AMD1: variants seen among roughly 807,000 people sequenced by gnomAD.
AMD1 encodes the protein S-adenosylmethionine decarboxylase proenzyme.
AMD1 carries 11 observed loss-of-function variants against 40.2 expected under a neutral mutation model. The observed-to-expected ratio is 0.27, with a 90% CI of 0.17 to 0.45. The LOEUF is 0.45. Ranked by LOEUF, AMD1 falls within the 20% of genes least tolerant of loss-of-function variation. The probability of loss-of-function intolerance (pLI) is 1.00; values close to 1 mark genes in which losing one functional copy is unlikely to be tolerated. For synonymous variants in AMD1, 121 were observed against 130.8 expected (o/e 0.93, Z 0.51); for missense variants, 257 against 410.2 (o/e 0.63, Z 3.23).
At chr6:110,874,407 C>G (rs566459008), upstream of AMD1, among the ~76,000 whole-genome samples, 1 of 152,058 alleles carries the variant, frequency 6.6e-6, no homozygotes, top group Non-Finnish European at 1.5e-5. Context: ...CCACCGTCCC[C>G]GCTGAACCCC....
In AMD1 at chr6:110,893,074, ATATTT is replaced by A; in HGVS notation, c.864+14_864+18del. On this transcript the variant is annotated intron_variant, in intron 8 of 8. Coordinates refer to ENST00000368885, the MANE Select transcript of AMD1 (RefSeq NM_001634.6). ...CCTTGTTTGTTAATCAGGTAATTTTATATTTTATTATTAATCAGGTTATTTGATTT... is the reference window on the plus strand; with the variant it reads ...CCTTGTTTGTTAATCAGGTAATTTTATATTATTAATCAGGTTATTTGATTT... The A allele has an allele frequency of 1.3e-6, 2 of 1,582,246 alleles. No individual in the cohort carries two copies. The highest frequency in any genetic ancestry group is 1.4e-5 in the African/African-American group (1 of 73,166).
rs962336025 is a variant in AMD1 at position 110,882,744 on chromosome 6, A to G, written c.111-4761A>G. On this transcript the variant is annotated intron_variant, in intron 1 of 8. Transcript: ENST00000368885. ...GCTTTCTTTTGATACTATGATTGAA[A>G]AATTCTGATTACCGGAGCATTACTA... Among the ~76,000 whole-genome samples, 89 of 152,196 alleles carry G rather than the reference A, an allele frequency of 5.8e-4. 2 individuals are homozygous for G. The highest frequency in any genetic ancestry group is 1.0e-4 in the Non-Finnish European group (7 of 68,032).
At chr6:110,822,468 A>G in the AMD1 span, among the ~76,000 whole-genome samples, 1 of 152,222 alleles carries the variant, frequency 6.6e-6, no homozygotes, top group Non-Finnish European at 1.5e-5. Flanking sequence ...TTCACAGCCA[A>G]ATTCTAGCAG....
At chr6:110,831,387 G>C in the AMD1 span, among the ~76,000 whole-genome samples, 1 of 151,670 alleles carries the variant, frequency 6.6e-6, no homozygotes, top group Non-Finnish European at 1.5e-5. Flanking sequence ...TGCAGTGAGC[G>C]GAGACCGTGG....
intron 3 of AMD1, 111 bp from the exon 4 acceptor site, chr6:110,890,143 T>A (rs1785932533): frequency 4.0e-6 from 3 of 755,252 alleles, no homozygotes; most frequent in Non-Finnish European, 6.2e-6. Flanking sequence ...ATTTGAGTTT[T>A]GATTTTGCCG....
chr6:110,836,311 A>G, the AMD1 span, among the ~76,000 whole-genome samples: 1 of 152,160 alleles, frequency 6.6e-6, no homozygotes, highest in Non-Finnish European at 1.5e-5. Flanking sequence ...GACTGTTTTT[A>G]TCATAAAAAA....
rs934887047 is a variant in AMD1, at chr6:110,875,025, A to AGCG, written c.-72_-70dup. 9.2e-7 allele frequency: 1 copy of AGCG among 1,081,300 alleles called. No homozygotes were observed. The highest frequency in any genetic ancestry group is 1.4e-6 in the Non-Finnish European group (1 of 723,142). The allele number at this position is 1,081,300 out of a possible 1,614,324, so 67.0% of individuals were successfully genotyped here. A position where few individuals can be genotyped will look rare whatever the true frequency, so the allele number is the denominator to read the frequency against. ...TAGTAACACAGCTGGAACAATCCGCAGCGGCGGCGGCAGCGGCGGGAGAAG... is the reference window on the plus strand; with the variant it reads ...TAGTAACACAGCTGGAACAATCCGCAGCGGCGGCGGCGGCAGCGGCGGGAGAAG... On this transcript the variant is annotated 5_prime_UTR_variant, in exon 1 of 9. Transcript: ENST00000368885.
chr6:110,834,371 A>G, the AMD1 span, among the ~76,000 whole-genome samples: 7 of 152,130 alleles, frequency 4.6e-5, no homozygotes, highest in African/African-American at 1.2e-4. Flanking sequence ...TAGCATGTTT[A>G]TATGAAAATA....
the AMD1 span, chr6:110,814,915 G>T: frequency 6.5e-7 from 1 of 1,546,090 alleles, no homozygotes; most frequent in Non-Finnish European, 8.8e-7. Flanking sequence ...CGCCCCTCGG[G>T]CACGGCCCGA....
chr6:110,824,492 A>G, the AMD1 span, among the ~76,000 whole-genome samples: 325 of 152,304 alleles, frequency 2.1e-3, 3 homozygotes, highest in Middle Eastern at 0.017. Context: ...TTGAGTGACC[A>G]GTGCACTAAA....
intron 1 of AMD1, among the ~76,000 whole-genome samples, chr6:110,876,447 C>T (rs1481464422): frequency 6.6e-6 from 1 of 152,228 alleles, no homozygotes; most frequent in Admixed American, 6.5e-5. Context: ...GGAGTGTTAG[C>T]TGTTCTTGGA....
At chr6:110,828,169 G>A in the AMD1 span, among the ~76,000 whole-genome samples, 14 of 152,256 alleles carry the variant, frequency 9.2e-5, no homozygotes, top group Admixed American at 7.9e-4. Context: ...GGTGGCTCAC[G>A]TCTGTAATTC....
the AMD1 span, among the ~76,000 whole-genome samples, chr6:110,856,731 T>G: frequency 6.6e-6 from 1 of 152,208 alleles, no homozygotes; most frequent in East Asian, 1.9e-4. Flanking sequence ...CTTTCTAAGT[T>G]GGACTTTTTC....
intron 3 of AMD1, 40 bp downstream of exon 3, chr6:110,889,023 G>A: frequency 6.2e-7 from 1 of 1,603,862 alleles, no homozygotes; most frequent in African/African-American, 1.3e-5. Context: ...AGGCATAAAT[G>A]TTAGCGTTCT....
chr6:110,872,285 T>C (rs1158964661), upstream of AMD1, among the ~76,000 whole-genome samples: 3 of 152,190 alleles, frequency 2.0e-5, no homozygotes, highest in Non-Finnish European at 4.4e-5. Context: ...CGGTGATAAC[T>C]GAAGGTAGAA....
At chr6:110,817,937 A>C in the AMD1 span, among the ~76,000 whole-genome samples, 65 of 152,308 alleles carry the variant, frequency 4.3e-4, no homozygotes, top group African/African-American at 1.5e-3. Context: ...TCGAAGAGCA[A>C]GAAACAAGGA....
the AMD1 span, chr6:110,859,001 C>T: frequency 8.6e-7 from 1 of 1,164,764 alleles, no homozygotes; most frequent in Non-Finnish European, 1.3e-6. Context: ...CCAAGCAAAG[C>T]GGCCAGGTCT....
At chr6:110,885,703 C>T (rs1785643722) in intron 1 of AMD1, among the ~76,000 whole-genome samples, 1 of 152,266 alleles carries the variant, frequency 6.6e-6, no homozygotes, top group African/African-American at 2.4e-5. Flanking sequence ...TTTTTAGTAG[C>T]TCTTTTAAAA....
chr6:110,840,622 G>C, the AMD1 span, among the ~76,000 whole-genome samples: 5 of 152,046 alleles, frequency 3.3e-5, no homozygotes, highest in Non-Finnish European at 7.4e-5. Flanking sequence ...GTTCAGCTCT[G>C]GGAAGCTCTA....
Sources: gnomAD v4.1 joint callset for allele counts (sites outside exome capture counted in the v4.1 genomes callset) on GRCh38, gnomAD v4.1.1 for gene constraint, MANE v1.5 for transcripts, NCBI Gene and HGNC (gene_info 2026-07-23, HGNC 2026-07-21) for gene names.